Variants in LRBA observed in about 807,000 individuals in gnomAD.
LRBA encodes LPS responsive beige-like anchor protein.
Under a neutral mutation model 330.0 loss-of-function variants are expected in LRBA, and 176 were observed. The observed-to-expected ratio is 0.53, with a 90% CI of 0.47 to 0.60. The LOEUF (loss-of-function observed/expected upper bound fraction) is 0.60, where lower values mean the gene tolerates loss of function less well. LRBA is among the 20% of genes least tolerant of loss of function. The pLI is 0.00. For synonymous variants in LRBA, 1,230 were observed against 1,193.0 expected (o/e 1.03, Z -0.64); for missense variants, 3,259 against 3,444.8 (o/e 0.95, Z 1.35).
chr4:150,996,071 A>G (rs75362128), intron 2 of LRBA, among the ~76,000 whole-genome samples: 2 of 2,464 alleles, frequency 8.1e-4, no homozygotes, highest in Non-Finnish European at 0.011. Flanking sequence ...ACAACAACCA[A>G]AAAAAAAAAA....
At chr4:150,326,574 C>T (rs1284142143) in intron 48 of LRBA, among the ~76,000 whole-genome samples, 2 of 152,324 alleles carry the variant, frequency 1.3e-5, no homozygotes, top group East Asian at 3.9e-4. Flanking sequence ...GCACACATAG[C>T]ACACAAATGC....
At chr4:150,985,082 ACCCCGTCT>A (rs1258554789) in intron 2 of LRBA, among the ~76,000 whole-genome samples, 1 of 152,000 alleles carries the variant, frequency 6.6e-6, no homozygotes, top group East Asian at 1.9e-4. Context: ...ACATGGCGAA[ACCCCGTCT>A]CTACTAAAAA....
chr4:150,443,847 TA>T (rs376721928), intron 44 of LRBA, among the ~76,000 whole-genome samples: 749 of 53,674 alleles, frequency 0.014, 9 homozygotes, highest in South Asian at 0.023. Flanking sequence ...AAAGTATAAT[TA>T]AAAAAATATA....
intron 26 of LRBA, among the ~76,000 whole-genome samples, chr4:150,847,378 A>G (rs1421229196): frequency 6.6e-6 from 1 of 152,198 alleles, no homozygotes; most frequent in Non-Finnish European, 1.5e-5. Flanking sequence ...AAGATATACC[A>G]TTGATTATTA....
rs767456373 is a variant in LRBA at position 150,415,451 on chromosome 4, T to C, written c.7181A>G (p.His2394Arg). The C allele has an allele frequency of 2.5e-6, 4 of 1,613,362 alleles. No individual in the cohort carries two copies. The highest frequency in any genetic ancestry group is 3.4e-6 in the Non-Finnish European group (4 of 1,179,710). The stretch of plus-strand genomic sequence containing the variant: ...TTATTATCTTACCAATCTGTTTATG[T>C]GAACAAATTCTTCTGAGGTTTTGGC... ...PWAKTSEEFV[H>R]INRLALESEF... Residue 2394 changes from histidine (H) to arginine (R), a missense_variant, in exon 47 of 57, where the codon CAC becomes CGC. Physicochemically the swap from His to Arg is conservative, Grantham distance 29. Coordinates refer to ENST00000651943, the MANE Select transcript of LRBA (RefSeq NM_001364905.1).
intron 46 of LRBA, chr4:150,423,322 A>G: frequency 1.3e-6 from 1 of 740,966 alleles, no homozygotes; most frequent in Non-Finnish European, 2.4e-6. Flanking sequence ...TCCCTGGGGG[A>G]CGAGCTCTGC....
chr4:150,483,718 A>AT (rs1757558977), intron 42 of LRBA, among the ~76,000 whole-genome samples: 1 of 152,058 alleles, frequency 6.6e-6, no homozygotes, highest in African/African-American at 2.4e-5. Flanking sequence ...CCTCAGATCA[A>AT]TTCTGGAGAA....
chr4:150,615,108 G>GA (rs1166209732), intron 37 of LRBA, among the ~76,000 whole-genome samples: 12 of 152,208 alleles, frequency 7.9e-5, no homozygotes, highest in African/African-American at 2.4e-4. Context: ...TTCCGGCAGG[G>GA]AAAACAGTAA....
intron 38 of LRBA, among the ~76,000 whole-genome samples, chr4:150,595,102 C>T (rs1391404528): frequency 2.0e-5 from 3 of 151,914 alleles, no homozygotes; most frequent in Admixed American, 1.3e-4. Context: ...TGATCTGAAG[C>T]ACACACCATA....
intron 47 of LRBA, among the ~76,000 whole-genome samples, chr4:150,405,622 A>T (rs1746089230): frequency 6.6e-6 from 1 of 151,988 alleles, no homozygotes; most frequent in Non-Finnish European, 1.5e-5. Context: ...ATAACACTGC[A>T]TAGTAGGCTT....
chr4:150,408,899 C>A (rs922798452), intron 47 of LRBA, among the ~76,000 whole-genome samples: 6 of 151,870 alleles, frequency 4.0e-5, no homozygotes, highest in Non-Finnish European at 5.9e-5. Flanking sequence ...AATATACTTT[C>A]ATTTTGTTTG....
intron 41 of LRBA, 137 bp from the exon 42 acceptor site, chr4:150,487,971 G>GTA (rs1758091939): frequency 2.4e-6 from 1 of 414,674 alleles, no homozygotes; most frequent in African/African-American, 2.0e-5. Flanking sequence ...CTTTTATATA[G>GTA]TATATATCAA....
intron 42 of LRBA, among the ~76,000 whole-genome samples, chr4:150,486,206 T>C (rs1581450929): frequency 6.6e-6 from 1 of 151,732 alleles, no homozygotes; most frequent in African/African-American, 2.4e-5. Context: ...CTTAAATATG[T>C]GTAATTTATA....
intron 48 of LRBA, among the ~76,000 whole-genome samples, chr4:150,326,679 C>T (rs1392530535): frequency 6.6e-6 from 1 of 152,144 alleles, no homozygotes; most frequent in Non-Finnish European, 1.5e-5. Context: ...ATATCTGTTT[C>T]TTCCCAGTAA....
Position 150,461,855 on chromosome 4 carries a change from C to T in LRBA, c.6780+5818G>A, listed in dbSNP as rs1046624796. Among the ~76,000 whole-genome samples, 6 of 151,638 alleles carry T rather than the reference C, an allele frequency of 4.0e-5. No homozygotes were observed. In the Admixed American group the frequency reaches 4.0e-4, roughly 10 times the overall value. The stretch of plus-strand genomic sequence containing the variant: ...AACTACACTGGTCAACTAGAAGAAA[C>T]ATGATTGCCTCAGATTGTCTTGGTT... On this transcript the variant is annotated intron_variant, in intron 44 of 56. Transcript: ENST00000651943.
intron 2 of LRBA, among the ~76,000 whole-genome samples, chr4:150,943,731 A>G (rs533011910): frequency 6.6e-6 from 1 of 152,328 alleles, no homozygotes; most frequent in East Asian, 1.9e-4. Context: ...TACTTTAGGA[A>G]AAAAGAAAAT....
At chr4:150,609,080 A>C (rs1048887677) in intron 37 of LRBA, among the ~76,000 whole-genome samples, 2 of 152,236 alleles carry the variant, frequency 1.3e-5, no homozygotes, top group Non-Finnish European at 2.9e-5. Context: ...GTACTTGGTT[A>C]GCTATCTAGC....
At chr4:150,455,064 C>T (rs1753882814) in intron 44 of LRBA, among the ~76,000 whole-genome samples, 2 of 150,578 alleles carry the variant, frequency 1.3e-5, no homozygotes, top group East Asian at 2.0e-4. Context: ...CATGCTGGTG[C>T]GCTGCACCCA....
intron 44 of LRBA, among the ~76,000 whole-genome samples, chr4:150,448,203 G>A (rs1223991252): frequency 6.6e-6 from 1 of 152,146 alleles, no homozygotes; most frequent in African/African-American, 2.4e-5. Flanking sequence ...TTGTATCTAA[G>A]GGACATAAGA....
Sources: gnomAD v4.1 joint callset for allele counts (sites outside exome capture counted in the v4.1 genomes callset) on GRCh38, gnomAD v4.1.1 for gene constraint, MANE v1.5 for transcripts, NCBI Gene and HGNC (gene_info 2026-07-23, HGNC 2026-07-21) for gene names.